Variants in MCTP1 observed in about 807,000 individuals in gnomAD.
MCTP1 encodes the protein multiple C2 and transmembrane domain-containing protein 1.
In MCTP1, 69 loss-of-function variants were observed where a neutral mutation model predicts 120.6. The ratio of observed to expected loss-of-function variants is 0.57; its 90% CI spans 0.47 to 0.70. The LOEUF (loss-of-function observed/expected upper bound fraction) is 0.70. Ranked by LOEUF, MCTP1 falls within the 30% of genes least tolerant of loss-of-function variation. MCTP1 has a pLI of 0.00. For missense variants in MCTP1, 1,203 were observed against 1,248.8 expected (o/e 0.96, Z 0.55); for synonymous variants, 529 against 493.1 (o/e 1.07, Z -0.96).
chr5:95,169,208 G>A (rs1460787645), intron 1 of MCTP1, among the ~76,000 whole-genome samples: 1 of 152,108 alleles, frequency 6.6e-6, no homozygotes, highest in Non-Finnish European at 1.5e-5. Flanking sequence ...TTATTGATTT[G>A]CATATGTTGA....
intron 1 of MCTP1, among the ~76,000 whole-genome samples, chr5:95,124,664 C>A (rs1758491918): frequency 1.3e-5 from 2 of 152,134 alleles, no homozygotes; most frequent in Admixed American, 1.3e-4. Flanking sequence ...CCAGCCTTTA[C>A]AGGAAAGAAA....
At chr5:94,844,654 C>T (rs925252727) in intron 17 of MCTP1, among the ~76,000 whole-genome samples, 3 of 152,088 alleles carry the variant, frequency 2.0e-5, no homozygotes, top group Non-Finnish European at 2.9e-5. Flanking sequence ...TCAGCCTCAA[C>T]GGAACCCAGC....
At chr5:94,792,529 T>A (rs967093849) in intron 18 of MCTP1, 1 of 152,340 alleles carries the variant, frequency 6.6e-6, no homozygotes, top group South Asian at 2.1e-4. Flanking sequence ...TGGCTTGGTT[T>A]CCTGCTCTCC....
At chr5:94,972,357 C>T (rs1216806001) in intron 2 of MCTP1, among the ~76,000 whole-genome samples, 1 of 152,046 alleles carries the variant, frequency 6.6e-6, no homozygotes, top group African/African-American at 2.4e-5. Context: ...CCTTAACAGC[C>T]ATTTTCCCCC....
chr5:94,970,873 C>T (rs941493361), intron 2 of MCTP1, among the ~76,000 whole-genome samples: 1 of 151,408 alleles, frequency 6.6e-6, no homozygotes, highest in Non-Finnish European at 1.5e-5. Flanking sequence ...TTGGCTATCC[C>T]AATACTTTTC....
chr5:94,797,093 G>A (rs1014859117), intron 18 of MCTP1, among the ~76,000 whole-genome samples: 7 of 152,106 alleles, frequency 4.6e-5, no homozygotes, highest in African/African-American at 7.2e-5. Context: ...TATATGATAT[G>A]CAATTTTTCA....
intron 18 of MCTP1, chr5:94,793,299 T>C (rs1779359520): frequency 6.6e-6 from 1 of 152,214 alleles, no homozygotes; most frequent in African/African-American, 2.4e-5. Context: ...ATAAGCTTTC[T>C]ACCAACATCT....
In MCTP1 at chr5:95,187,734, G is replaced by C. The variant is rs113599527; in HGVS notation, c.720+96122C>G. On this transcript the variant is annotated intron_variant, in intron 1 of 22. Coordinates refer to ENST00000515393, the MANE Select transcript of MCTP1 (RefSeq NM_024717.7). ...TTTTGGTAAGGGATTGGGGGTAGGG[G>C]GAAGGGTAAGAAGCAGGTGAGGATA... is the stretch of plus-strand genomic sequence containing the variant. Among the ~76,000 whole-genome samples, 904 of 152,186 alleles carry C rather than the reference G, an allele frequency of 5.9e-3. 5 individuals carry two copies. Among genetic ancestry groups the C allele is most frequent in the African/African-American group, 0.021 (874 of 41,528 alleles).
intron 2 of MCTP1, among the ~76,000 whole-genome samples, chr5:95,004,370 T>C (rs1834269805): frequency 6.6e-6 from 1 of 152,214 alleles, no homozygotes; most frequent in African/African-American, 2.4e-5. Flanking sequence ...AAATCCATTT[T>C]CTGGGGAAGA....
At chr5:94,952,718 G>A (rs762991457) in intron 3 of MCTP1, among the ~76,000 whole-genome samples, 3 of 152,022 alleles carry the variant, frequency 2.0e-5, no homozygotes, top group Non-Finnish European at 4.4e-5. Flanking sequence ...TACATCAAAC[G>A]AGAGGAAAGA....
intron 1 of MCTP1, among the ~76,000 whole-genome samples, chr5:95,065,838 C>T (rs559515310): frequency 1.0e-3 from 158 of 152,232 alleles, no homozygotes; most frequent in African/African-American, 3.2e-3. Context: ...ACCCCAATTT[C>T]TCAGCATATA....
chr5:95,160,490 A>G (rs1410840337), intron 1 of MCTP1, among the ~76,000 whole-genome samples: 1 of 152,216 alleles, frequency 6.6e-6, no homozygotes, highest in East Asian at 1.9e-4. Flanking sequence ...TCCTCATTAT[A>G]TAACAAGAGA....
At chr5:95,062,073 T>C (rs1450304816) in intron 1 of MCTP1, among the ~76,000 whole-genome samples, 1 of 152,202 alleles carries the variant, frequency 6.6e-6, no homozygotes, top group East Asian at 1.9e-4. Flanking sequence ...AACTTAAAAA[T>C]GGAAAGCAAA....
At chr5:94,986,899 A>G (rs1264447912) in intron 2 of MCTP1, among the ~76,000 whole-genome samples, 1 of 152,154 alleles carries the variant, frequency 6.6e-6, no homozygotes, top group African/African-American at 2.4e-5. Context: ...TTCAGGATCC[A>G]CATGCACATG....
intron 1 of MCTP1, among the ~76,000 whole-genome samples, chr5:95,235,288 CCAAA>C (rs912939920): frequency 6.6e-6 from 1 of 151,554 alleles, no homozygotes; most frequent in Non-Finnish European, 1.5e-5. Flanking sequence ...AAAACTCTCA[CCAAA>C]CAAATAATAA....
At chr5:95,094,759 T>C (rs913296822) in intron 1 of MCTP1, among the ~76,000 whole-genome samples, 1 of 152,156 alleles carries the variant, frequency 6.6e-6, no homozygotes, top group African/African-American at 2.4e-5. Flanking sequence ...CATGAAAGCA[T>C]AAAATAACAA....
chr5:95,283,001 G>A (rs973417181), intron 1 of MCTP1, among the ~76,000 whole-genome samples: 1 of 152,146 alleles, frequency 6.6e-6, no homozygotes, highest in Admixed American at 6.5e-5. Flanking sequence ...TAGGTCTCTG[G>A]CAGAGTGAAA....
chr5:95,249,330 A>T (rs1441156007), intron 1 of MCTP1, among the ~76,000 whole-genome samples: 1 of 152,186 alleles, frequency 6.6e-6, no homozygotes, highest in Non-Finnish European at 1.5e-5. Context: ...AAAAAACCCC[A>T]TCAGAAAGTG....
intron 1 of MCTP1, among the ~76,000 whole-genome samples, chr5:95,165,350 C>T (rs758401599): frequency 6.6e-6 from 1 of 152,168 alleles, no homozygotes. Flanking sequence ...GGGACCCTCC[C>T]CTCATTTTAT....
Sources: allele counts gnomAD v4.1 joint callset (sites outside exome capture counted in the v4.1 genomes callset), GRCh38; gene constraint gnomAD v4.1.1; transcripts MANE v1.5; gene names NCBI Gene and HGNC (gene_info 2026-07-23, HGNC 2026-07-21).